NBN: variants seen among roughly 807,000 people sequenced by gnomAD.
The protein encoded by NBN is Nijmegen breakage syndrome 1 (nibrin).
In NBN, 88 loss-of-function variants were observed where a neutral mutation model predicts 90.8. The ratio of observed to expected loss-of-function variants is 0.97; its 90% CI spans 0.82 to 1.16. NBN has a LOEUF of 1.16. Among genes scored for constraint, NBN ranks in the 50% most tolerant of loss-of-function variants. The pLI, the probability that NBN is intolerant of heterozygous loss-of-function variation, is 0.00. For synonymous variants in NBN, 328 were observed against 295.1 expected (o/e 1.11, Z -1.14); for missense variants, 894 against 869.6 (o/e 1.03, Z -0.35).
chr8:89,977,231 C>A (rs1028083515), intron 5 of NBN, among the ~76,000 whole-genome samples: 6 of 151,938 alleles, frequency 3.9e-5, no homozygotes, highest in Non-Finnish European at 7.4e-5. Flanking sequence ...GTCCCCCACC[C>A]CCAAACAGGC....
At chr8:89,975,378 C>T (rs1228728269) in intron 5 of NBN, among the ~76,000 whole-genome samples, 1 of 152,154 alleles carries the variant, frequency 6.6e-6, no homozygotes, top group Non-Finnish European at 1.5e-5. Context: ...ATATCCTTTT[C>T]GTAACCCATT....
intron 11 of NBN, among the ~76,000 whole-genome samples, chr8:89,949,231 G>A (rs1011185524): frequency 3.9e-5 from 6 of 152,156 alleles, no homozygotes; most frequent in Non-Finnish European, 5.9e-5. Context: ...ACCTTGGCAA[G>A]TTACTTAAAA....
At chr8:89,957,416 A>T (rs1413650436) in intron 9 of NBN, among the ~76,000 whole-genome samples, 1 of 152,264 alleles carries the variant, frequency 6.6e-6, no homozygotes, top group African/African-American at 2.4e-5. Flanking sequence ...AAATGTTTTA[A>T]GCTAGGTATT....
intron 5 of NBN, 107 bp from the exon 6 acceptor site, chr8:89,971,397 C>A (rs1050331465): frequency 1.6e-6 from 2 of 1,255,190 alleles, no homozygotes. Context: ...TCCATAATAC[C>A]TTTATAGTAT....
Position 89,934,820 on chromosome 8 carries a change from A to AT in NBN, c.*761dup, listed in dbSNP as rs1397330406. The AT allele has an allele frequency of 4.3e-6, 1 of 232,978 alleles. No homozygotes were observed. The highest frequency in any genetic ancestry group is 5.6e-5 in the Admixed American group (1 of 17,780). The allele number at this position is 232,978 out of a possible 1,614,324, so 14.4% of individuals were successfully genotyped here. A position where few individuals can be genotyped will look rare whatever the true frequency, so the allele number is the denominator to read the frequency against. ...AAAACAATCTCACCATTTCTACTTTATAAGTAGGAAAACTAGGACTCTAAA... is the reference window on the plus strand; with the variant it reads ...AAAACAATCTCACCATTTCTACTTTATTAAGTAGGAAAACTAGGACTCTAAA... On this transcript the variant is annotated 3_prime_UTR_variant, in exon 16 of 16. Coordinates refer to ENST00000265433, the MANE Select transcript of NBN (RefSeq NM_002485.5).
At chr8:89,957,655 C>A (rs1006409481) in intron 9 of NBN, among the ~76,000 whole-genome samples, 1 of 152,092 alleles carries the variant, frequency 6.6e-6, no homozygotes, top group African/African-American at 2.4e-5. Flanking sequence ...TACAGGTATA[C>A]CATTTTTTAT....
Position 89,934,632 on chromosome 8 carries a change from T to G in NBN, c.*950A>C, listed in dbSNP as rs1331337434. The G allele has an allele frequency of 2.6e-5, 6 of 233,176 alleles. No homozygotes were observed. Among genetic ancestry groups the G allele is most frequent in the Non-Finnish European group, 5.1e-5 (6 of 118,056 alleles). 14.4% of individuals were successfully genotyped at this position (233,176 alleles called of 1,614,324 possible). A position where few individuals can be genotyped will look rare whatever the true frequency, so the allele number is the denominator to read the frequency against. Reference sequence around the variant, plus strand: ...CCTCACTGTTCCATTTCTCATTCTCTAAACAACTAATCAGTTGTAGTGACT... The same window carrying G: ...CCTCACTGTTCCATTTCTCATTCTCGAAACAACTAATCAGTTGTAGTGACT... On this transcript the variant is annotated 3_prime_UTR_variant, in exon 16 of 16. Transcript: ENST00000265433.
chr8:89,938,549 A>G (rs189211617), intron 14 of NBN, among the ~76,000 whole-genome samples: 26 of 152,228 alleles, frequency 1.7e-4, no homozygotes, highest in Non-Finnish European at 3.4e-4. Flanking sequence ...TCTCAGTTTT[A>G]ACCAATGAGG....
intron 2 of NBN, 117 bp from the exon 3 acceptor site, chr8:89,981,640 C>T: frequency 2.0e-6 from 2 of 1,002,946 alleles, no homozygotes; most frequent in East Asian, 4.9e-5. Flanking sequence ...ACACGGCAGA[C>T]AACAATTACT....
intron 8 of NBN, among the ~76,000 whole-genome samples, chr8:89,960,349 T>C (rs1810932231): frequency 6.6e-6 from 1 of 152,206 alleles, no homozygotes; most frequent in African/African-American, 2.4e-5. Flanking sequence ...AATGTTCATA[T>C]CATCACTGAA....
At chr8:89,940,625 G>GAAA (rs34788524) in intron 14 of NBN, among the ~76,000 whole-genome samples, 2 of 135,866 alleles carry the variant, frequency 1.5e-5, no homozygotes, top group Non-Finnish European at 3.2e-5. Context: ...TCTACTAGAG[G>GAAA]AAAAAAAAAA....
Position 89,981,476 on chromosome 8 carries a change from C to T in NBN, c.219G>A (p.Lys73=), listed in dbSNP as rs1586108899. The change falls in exon 3 of 16, where the codon AAG becomes AAA. Residue 73 remains lysine, a synonymous_variant. Transcript: ENST00000265433. ...IPVLTLKDNS[K]YGTFVNEEKM... ...TTTCCTCATTAACAAAGGTACCATA[C>T]TTAGAATTATCTTTTAATGTCAATA... 1 of 1,613,548 alleles carries T rather than the reference C, an allele frequency of 6.2e-7. No homozygotes were observed. Among genetic ancestry groups the T allele is most frequent in the South Asian group, 1.1e-5 (1 of 91,066 alleles).
intron 15 of NBN, 141 bp from the exon 16 acceptor site, chr8:89,935,753 C>A: frequency 1.0e-6 from 1 of 960,396 alleles, no homozygotes. Flanking sequence ...AGATACTAAG[C>A]ACTGACATTT....
At chr8:89,962,204 G>A (rs1232433095) in intron 8 of NBN, among the ~76,000 whole-genome samples, 1 of 152,110 alleles carries the variant, frequency 6.6e-6, no homozygotes, top group East Asian at 1.9e-4. Flanking sequence ...ATCCCAGAAT[G>A]TTCTGAATCA....
At chr8:89,981,955 TA>T in intron 2 of NBN, 1 of 1,185,940 alleles carries the variant, frequency 8.4e-7, no homozygotes, top group Non-Finnish European at 1.1e-6. Flanking sequence ...TGACTTACAG[TA>T]ACAATTTTAC....
intron 11 of NBN, 34 bp downstream of exon 11, chr8:89,953,210 A>G: frequency 1.4e-6 from 2 of 1,455,642 alleles, no homozygotes; most frequent in South Asian, 1.1e-5. Flanking sequence ...CTAAGCTTCT[A>G]TGTACTATAC....
At position 89,946,140 on chromosome 8, in the gene NBN, C is replaced by G; in HGVS notation, c.2070G>C (p.Lys690Asn). 1 of 1,571,514 alleles carries G rather than the reference C, an allele frequency of 6.4e-7. No individual in the cohort carries two copies. Among genetic ancestry groups the G allele is most frequent in the Non-Finnish European group, 8.7e-7 (1 of 1,143,338 alleles). ...GQLKNFKKFKKVTYPGAGKLP... is the reference protein window; with the variant it reads ...GQLKNFKKFKNVTYPGAGKLP... ...CTTGTGATACAGTTGAAATACCTACCTTTTTGAATTTCTTGAAATTTTTTA... is the reference window on the plus strand; with the variant it reads ...CTTGTGATACAGTTGAAATACCTACGTTTTTGAATTTCTTGAAATTTTTTA... The change falls in exon 13 of 16, where the codon AAG (lysine) becomes AAC (asparagine). Residue 690 changes from lysine to asparagine, a missense_variant and splice_region_variant. Lys to Asn is a moderately conservative substitution (Grantham distance 94). Coordinates refer to ENST00000265433, the MANE Select transcript of NBN (RefSeq NM_002485.5).
intron 13 of NBN, among the ~76,000 whole-genome samples, chr8:89,943,986 T>C (rs1055653529): frequency 6.6e-6 from 1 of 152,212 alleles, no homozygotes; most frequent in Non-Finnish European, 1.5e-5. Flanking sequence ...TAACATGCTT[T>C]TAAAATTCCA....
In NBN at chr8:89,934,896, T is replaced by C. The variant is rs72561474; in HGVS notation, c.*686A>G. 3 of 232,292 alleles carry C rather than the reference T, an allele frequency of 1.3e-5. No individual in the cohort carries two copies. The highest frequency in any genetic ancestry group is 2.5e-5 in the Non-Finnish European group (3 of 117,724). The allele number at this position is 232,292 out of a possible 1,614,324, so 14.4% of individuals were successfully genotyped here. ...GCTCAGTAAGACCACCAAAAAGGGG[T>C]ACAGGTCTTTCCATTCTGGTGAAAA... On this transcript the variant is annotated 3_prime_UTR_variant, in exon 16 of 16. Coordinates refer to ENST00000265433, the MANE Select transcript of NBN (RefSeq NM_002485.5).
Sources: gnomAD v4.1 joint callset for allele counts (sites outside exome capture counted in the v4.1 genomes callset) on GRCh38, gnomAD v4.1.1 for gene constraint, MANE v1.5 for transcripts, NCBI Gene and HGNC (gene_info 2026-07-23, HGNC 2026-07-21) for gene names.